LAMA5: variants seen among roughly 807,000 people sequenced by gnomAD.
LAMA5 encodes the protein laminin subunit alpha-5.
Under a neutral mutation model 433.4 loss-of-function variants are expected in LAMA5, and 260 were observed. The observed-to-expected ratio is 0.60, with a 90% CI of 0.54 to 0.66. The LOEUF (loss-of-function observed/expected upper bound fraction) is 0.66. LAMA5 is among the 30% of genes least tolerant of loss of function. The pLI is 0.00. For missense variants in LAMA5, 5,378 were observed against 5,258.5 expected (o/e 1.02, Z -0.70); for synonymous variants, 2,620 against 2,226.6 (o/e 1.18, Z -4.97).
Position 62,359,067 on chromosome 20 carries a change from G to A in LAMA5, c.450+3333C>T, listed in dbSNP as rs1985655508. 6.6e-6 allele frequency among the ~76,000 whole-genome samples: 1 copy of A among 151,818 alleles called. No homozygotes were observed. Among genetic ancestry groups the A allele is most frequent in the Non-Finnish European group, 1.5e-5 (1 of 67,962 alleles). ...CCACCTGGGCCTCCCCATTTGCCCTGCAGCTCTGGGCCTCGGGGACTGGGA... is the reference window on the plus strand; with the variant it reads ...CCACCTGGGCCTCCCCATTTGCCCTACAGCTCTGGGCCTCGGGGACTGGGA... On this transcript the variant is annotated intron_variant, in intron 2 of 79. Coordinates refer to ENST00000252999, the MANE Select transcript of LAMA5 (RefSeq NM_005560.6). The surrounding 1 kb of genome is among the most constrained non-coding windows in gnomAD (Gnocchi z 4.3).
chr20:62,330,035 G>T, intron 31 of LAMA5, 119 bp from the exon 32 acceptor site: 2 of 1,395,110 alleles, frequency 1.4e-6, no homozygotes, highest in South Asian at 1.4e-5. Context: ...ACGGCCACAG[G>T]CACGGGACGT....
intron 48 of LAMA5, among the ~76,000 whole-genome samples, chr20:62,321,440 C>T (rs150775116): frequency 8.4e-3 from 11 of 1,310 alleles, no homozygotes; most frequent in Admixed American, 0.017. Flanking sequence ...AGGGGTAGGG[C>T]CAGCAGAGGG....
At chr20:62,315,360 C>T (rs556542225) in intron 58 of LAMA5, among the ~76,000 whole-genome samples, 153 bp from the exon 59 acceptor site, 4 of 152,228 alleles carry the variant, frequency 2.6e-5, no homozygotes, top group African/African-American at 7.2e-5. Context: ...GCAATCCAAA[C>T]CCATCCTAAA....
intron 3 of LAMA5, among the ~76,000 whole-genome samples, chr20:62,352,772 C>T (rs763134658): frequency 6.6e-6 from 1 of 152,168 alleles, no homozygotes; most frequent in Non-Finnish European, 1.5e-5. Flanking sequence ...GGCCAGCATC[C>T]GGGCTAGGAC....
At chr20:62,315,264 T>C (rs1986819433) in intron 58 of LAMA5, 57 bp from the exon 59 acceptor site, 2 of 1,453,338 alleles carry the variant, frequency 1.4e-6, no homozygotes, top group African/African-American at 1.4e-5. Flanking sequence ...CCTGGCTTCA[T>C]GTCCCCAAGT....
At chr20:62,319,038 C>A in intron 51 of LAMA5, 25 bp from the exon 52 acceptor site, 1 of 1,521,406 alleles carries the variant, frequency 6.6e-7, no homozygotes, top group Non-Finnish European at 8.8e-7. Context: ...TTCGTCAGAG[C>A]CTGGGGCCGC....
chr20:62,351,653 G>A, intron 6 of LAMA5, 51 bp downstream of exon 6: 1 of 1,562,806 alleles, frequency 6.4e-7, no homozygotes, highest in Non-Finnish European at 8.7e-7. Flanking sequence ...GACAGGCAGG[G>A]AGCTGGGGGG....
chr20:62,331,096 T>C lies in LAMA5; in HGVS notation c.3586A>G (p.Ser1196Gly), dbSNP rs978764096. Residue 1196 changes from serine to glycine, a missense_variant, in exon 29 of 80, where the codon AGC becomes GGC. Ser to Gly is a moderately conservative substitution (Grantham distance 56). Coordinates refer to ENST00000252999, the MANE Select transcript of LAMA5 (RefSeq NM_005560.6). ...ACCCGGGGCTCCACGAACTCCGGGCTGAACTCCTCAATGGGCACCAGAGTG... is the reference window on the plus strand; with the variant it reads ...ACCCGGGGCTCCACGAACTCCGGGCCGAACTCCTCAATGGGCACCAGAGTG... ...GVTLVPIEEFSPEFVEPRVSC... is the reference protein window; with the variant it reads ...GVTLVPIEEFGPEFVEPRVSC... The C allele has an allele frequency of 3.1e-6, 5 of 1,603,264 alleles. No individual in the cohort carries two copies. In the African/African-American group the frequency reaches 6.7e-5, roughly 22 times the overall value.
In LAMA5 at chr20:62,351,989, G is replaced by A. The variant is rs1160987444; in HGVS notation, c.778C>T (p.Arg260Cys). 5.6e-6 allele frequency: 9 copies of A among 1,612,508 alleles called. No individual in the cohort carries two copies. The highest frequency in any genetic ancestry group is 2.2e-5 in the East Asian group (1 of 44,884). Residue 260 changes from arginine to cysteine, a missense_variant, in exon 5 of 80, where the codon CGC becomes TGC. By Grantham distance (180) the Arg-to-Cys change is radical. Coordinates refer to ENST00000252999, the MANE Select transcript of LAMA5 (RefSeq NM_005560.6). ...GTGTTGGTACGCAGGAAGCGCAGGC[G>A]GACGTTGGTGGCCTTGGTGAACTCA... ...LREFTKATNV[R>C]LRFLRTNTLL...
intron 14 of LAMA5, 27 bp from the exon 15 acceptor site, chr20:62,337,965 C>G (rs1326539674): frequency 3.8e-6 from 6 of 1,598,512 alleles, no homozygotes; most frequent in South Asian, 1.1e-5. Flanking sequence ...GGGTCAGGCC[C>G]TGGCGCCATG....
rs777058037 is a variant in LAMA5 at position 62,330,780 on chromosome 20, T to C, written c.3815A>G (p.Asp1272Gly). ...CAGCAGGGTGGGCTCTGCATCAGGGTCCACAGCGGTGGGGGGCCGAGGTCG... is the reference window on the plus strand; with the variant it reads ...CAGCAGGGTGGGCTCTGCATCAGGGCCCACAGCGGTGGGGGGCCGAGGTCG... Reference protein sequence around the residue: ...GPRPRPPTAVDPDAEPTLLRE... With the variant: ...GPRPRPPTAVGPDAEPTLLRE... The change falls in exon 30 of 80, where the codon GAC (aspartate) becomes GGC (glycine). Residue 1272 changes from aspartate to glycine, a missense_variant. Transcript: ENST00000252999. 1.7e-5 allele frequency: 27 copies of C among 1,563,478 alleles called. No homozygotes were observed. The highest frequency in any genetic ancestry group is 2.3e-5 in the Non-Finnish European group (26 of 1,155,132).
chr20:62,329,281 C>T (rs367729943), intron 32 of LAMA5, 28 bp from the exon 33 acceptor site: 22 of 1,555,202 alleles, frequency 1.4e-5, no homozygotes, highest in Middle Eastern at 1.7e-4. Context: ...GTCACTCTCC[C>T]GCGGGCCCAG....
intron 3 of LAMA5, 138 bp downstream of exon 3, chr20:62,352,996 G>C (rs756562420): frequency 3.2e-6 from 2 of 633,932 alleles, no homozygotes; most frequent in African/African-American, 1.9e-5. Context: ...TCGGGTCCTC[G>C]TCTGACAGTC....
intron 61 of LAMA5, 56 bp downstream of exon 61, chr20:62,314,499 G>A (rs923464800): frequency 1.4e-5 from 23 of 1,608,656 alleles, no homozygotes; most frequent in South Asian, 7.7e-5. Context: ...ACCAGGCACC[G>A]CTCATTTCCA....
At position 62,309,131 on chromosome 20, in the gene LAMA5, A is replaced by G. The variant is rs541567052; in HGVS notation, c.*205T>C. The stretch of plus-strand genomic sequence containing the variant: ...GATGATTGGTGACAAATCTCTCACA[A>G]TTAAAAATGGGTGGAAGGGCCAAAT... On this transcript the variant is annotated 3_prime_UTR_variant, in exon 80 of 80. Transcript: ENST00000252999. The G allele has an allele frequency of 3.5e-5, 22 of 628,088 alleles. No homozygotes were observed. In the South Asian group the frequency reaches 4.4e-4, roughly 13 times the overall value. 38.9% of individuals were successfully genotyped at this position (628,088 alleles called of 1,614,324 possible).
At chr20:62,319,270 C>T (rs1474105215) in intron 51 of LAMA5, among the ~76,000 whole-genome samples, 2 of 152,144 alleles carry the variant, frequency 1.3e-5, no homozygotes, top group African/African-American at 4.8e-5. Context: ...TCGTCCTGCC[C>T]CTCTCCGCCT....
At position 62,315,183 on chromosome 20, in the gene LAMA5, T is replaced by G. The variant is rs1191630912; in HGVS notation, c.7892A>C (p.His2631Pro). ...GGCTTCAGCAGCCACAGCCTTGGCA[T>G]GTGCGATCTTCTTGCTTGTCTCGTC... is the stretch of plus-strand genomic sequence containing the variant. ...DTDETSKKIA[H>P]AKAVAAEAQD... Residue 2631 changes from histidine (H) to proline (P), a missense_variant, in exon 59 of 80, where the codon CAT becomes CCT. By Grantham distance (77) the His-to-Pro change is moderately conservative. Coordinates refer to ENST00000252999, the MANE Select transcript of LAMA5 (RefSeq NM_005560.6). 6.2e-7 allele frequency: 1 copy of G among 1,609,174 alleles called. No homozygotes were observed. The highest frequency in any genetic ancestry group is 1.7e-5 in the Admixed American group (1 of 59,782).
rs78706799 is a variant in LAMA5 at position 62,365,795 on chromosome 20, G to A, written c.297+1154C>T. On this transcript the variant is annotated intron_variant, in intron 1 of 79. Coordinates refer to ENST00000252999, the MANE Select transcript of LAMA5 (RefSeq NM_005560.6). ...GGCTCAGATCCCCCATCTGAAGTGT[G>A]GGCTTGAGACCTCCTATCTCAGAGG... is the stretch of plus-strand genomic sequence containing the variant. Among the ~76,000 whole-genome samples, 823 of 152,304 alleles carry A rather than the reference G, an allele frequency of 5.4e-3. 55 individuals are homozygous for A. The East Asian group carries it at 0.14, about 25-fold the overall frequency.
intron 34 of LAMA5, 53 bp from the exon 35 acceptor site, chr20:62,328,498 C>CA (rs1979731103): frequency 7.0e-7 from 1 of 1,436,326 alleles, no homozygotes; most frequent in Non-Finnish European, 9.2e-7. Flanking sequence ...CCGCCCCTCT[C>CA]AGAGGCCCAG....
Sources: gnomAD v4.1 joint callset for allele counts (sites outside exome capture counted in the v4.1 genomes callset) on GRCh38, gnomAD v4.1.1 for gene constraint, Gnocchi (gnomAD v3.1) non-coding constraint, MANE v1.5 for transcripts, NCBI Gene and HGNC (gene_info 2026-07-23, HGNC 2026-07-21) for gene names.